GRID2: variants seen among roughly 807,000 people sequenced by gnomAD.
The protein encoded by GRID2 is glutamate ionotropic receptor delta type subunit 2, also known as glutamate receptor ionotropic, delta-2.
GRID2 carries 33 observed loss-of-function variants against 114.8 expected under a neutral mutation model. The observed-to-expected ratio is 0.29, with a 90% confidence interval of 0.22 to 0.38. The LOEUF is 0.38. Among genes scored for constraint, GRID2 ranks in the 10% least tolerant of loss-of-function variants. The pLI, the probability that GRID2 is intolerant of heterozygous loss-of-function variation, is 1.00. For missense variants in GRID2, 1,184 were observed against 1,257.7 expected (o/e 0.94, Z 0.89); for synonymous variants, 505 against 449.9 (o/e 1.12, Z -1.55).
intron 2 of GRID2, among the ~76,000 whole-genome samples, chr4:92,926,547 C>G (rs1317975970): frequency 1.3e-5 from 2 of 151,870 alleles, no homozygotes; most frequent in African/African-American, 4.8e-5. Context: ...CCAAAGACAT[C>G]CTTTCAAGTA....
intron 2 of GRID2, among the ~76,000 whole-genome samples, chr4:93,067,889 T>C (rs1357858856): frequency 6.6e-6 from 1 of 152,080 alleles, no homozygotes; most frequent in Non-Finnish European, 1.5e-5. Context: ...ATGTGTCCTC[T>C]TTGAACCTAA....
intron 13 of GRID2, among the ~76,000 whole-genome samples, chr4:93,589,136 G>A (rs918307924): frequency 6.6e-6 from 1 of 151,650 alleles, no homozygotes; most frequent in Non-Finnish European, 1.5e-5. Context: ...GTGCCATGCT[G>A]GTGTGCTGCA....
chr4:92,933,833 C>A (rs1018247594), intron 2 of GRID2, among the ~76,000 whole-genome samples: 2 of 151,540 alleles, frequency 1.3e-5, no homozygotes, highest in African/African-American at 4.8e-5. Context: ...GCTTCAAAAG[C>A]CCCCTATTTT....
At chr4:93,207,620 A>T (rs1342323837) in intron 5 of GRID2, among the ~76,000 whole-genome samples, 163 bp downstream of exon 5, 4 of 152,036 alleles carry the variant, frequency 2.6e-5, no homozygotes, top group Non-Finnish European at 4.4e-5. Flanking sequence ...AAGAGTTTTT[A>T]AAAATGATAA....
chr4:93,290,854 T>C (rs1028445123), intron 8 of GRID2, among the ~76,000 whole-genome samples: 1 of 149,396 alleles, frequency 6.7e-6, no homozygotes, highest in African/African-American at 2.5e-5. Flanking sequence ...ATCAAAGGGT[T>C]CAAAAGCATA....
intron 12 of GRID2, among the ~76,000 whole-genome samples, chr4:93,495,666 G>GTCTAA (rs1425340517): frequency 6.6e-6 from 1 of 151,732 alleles, no homozygotes; most frequent in Non-Finnish European, 1.5e-5. Context: ...CGTTAAAGGT[G>GTCTAA]TCTAATGCAT....
intron 1 of GRID2, among the ~76,000 whole-genome samples, chr4:93,795,739 G>A (rs556802421): frequency 2.2e-4 from 33 of 152,256 alleles, no homozygotes; most frequent in Admixed American, 4.6e-4. Flanking sequence ...TATTTACACA[G>A]GAATATGTGT....
chr4:93,647,271 C>G, intron 14 of GRID2, among the ~76,000 whole-genome samples: 1 of 152,118 alleles, frequency 6.6e-6, no homozygotes, highest in East Asian at 1.9e-4. Flanking sequence ...TCATTATACG[C>G]TTTTGACTGT....
intron 2 of GRID2, among the ~76,000 whole-genome samples, chr4:92,883,605 C>T (rs1746166274): frequency 1.3e-5 from 2 of 152,134 alleles, no homozygotes; most frequent in African/African-American, 4.8e-5. Flanking sequence ...TGAAATTACT[C>T]CTTGATTCAT....
chr4:92,442,946 A>G (rs906522070), intron 1 of GRID2, among the ~76,000 whole-genome samples: 15 of 152,176 alleles, frequency 9.9e-5, no homozygotes, highest in Non-Finnish European at 1.5e-4. Flanking sequence ...GGGAGGTGAT[A>G]AAAAGATTAT....
intron 14 of GRID2, among the ~76,000 whole-genome samples, chr4:93,686,139 C>T (rs1252142830): frequency 2.0e-5 from 3 of 151,978 alleles, no homozygotes; most frequent in Non-Finnish European, 2.9e-5. Context: ...ACTATCTCTA[C>T]GTCTCGTATT....
chr4:92,350,017 A>C lies in GRID2; in HGVS notation c.88+45273A>C, dbSNP rs80177511. Among the ~76,000 whole-genome samples, 14 of 152,040 alleles carry C rather than the reference A, an allele frequency of 9.2e-5. No homozygotes were observed. In the East Asian group the frequency reaches 2.7e-3, roughly 29 times the overall value. ...CTATATGCATTTTGGGAAGGCATATAACCATTACATATTACAATCCATTCT... is the reference window on the plus strand; with the variant it reads ...CTATATGCATTTTGGGAAGGCATATCACCATTACATATTACAATCCATTCT... On this transcript the variant is annotated intron_variant, in intron 1 of 15. Coordinates refer to ENST00000282020, the MANE Select transcript of GRID2 (RefSeq NM_001510.4).
chr4:93,792,209 C>G (rs144417538), intron 1 of GRID2, among the ~76,000 whole-genome samples: 1 of 152,286 alleles, frequency 6.6e-6, no homozygotes, highest in African/African-American at 2.4e-5. Context: ...AAAACAAAGA[C>G]TTTTGTCAGC....
intron 2 of GRID2, among the ~76,000 whole-genome samples, chr4:92,927,325 A>G (rs1749886607): frequency 6.6e-6 from 1 of 151,888 alleles, no homozygotes. Flanking sequence ...AATAGCTTAC[A>G]GGTTAGCCTG....
At chr4:92,500,845 G>A (rs1374559650) in intron 1 of GRID2, among the ~76,000 whole-genome samples, 2 of 152,122 alleles carry the variant, frequency 1.3e-5, no homozygotes, top group South Asian at 4.1e-4. Context: ...GGTCTTTTGG[G>A]TGATGGTTTC....
intron 1 of GRID2, among the ~76,000 whole-genome samples, chr4:93,797,851 A>G (rs1734838015): frequency 6.6e-6 from 1 of 151,460 alleles, no homozygotes; most frequent in African/African-American, 2.4e-5. Context: ...TGAAAAAAAA[A>G]AAAAAAAAAA....
chr4:92,762,746 A>T (rs985575327), intron 2 of GRID2, among the ~76,000 whole-genome samples: 2 of 152,232 alleles, frequency 1.3e-5, no homozygotes, highest in Admixed American at 1.3e-4. Context: ...AGGAATAGAC[A>T]GGAAGAGGAT....
intron 13 of GRID2, among the ~76,000 whole-genome samples, chr4:93,600,985 G>A (rs748400997): frequency 6.6e-6 from 1 of 152,192 alleles, no homozygotes; most frequent in Non-Finnish European, 1.5e-5. Flanking sequence ...GTCATGGTGA[G>A]AGAAATCAGA....
chr4:93,109,830 A>C (rs985967369), intron 3 of GRID2, among the ~76,000 whole-genome samples: 3 of 152,160 alleles, frequency 2.0e-5, no homozygotes, highest in African/African-American at 7.2e-5. Flanking sequence ...TAAACAAGCA[A>C]TCTGATACTA....
Sources: gnomAD v4.1 joint callset for allele counts (sites outside exome capture counted in the v4.1 genomes callset) on GRCh38, gnomAD v4.1.1 for gene constraint, MANE v1.5 for transcripts, NCBI Gene and HGNC (gene_info 2026-07-23, HGNC 2026-07-21) for gene names.